Variants in ADGRB3 observed in about 807,000 individuals in gnomAD.
The protein encoded by ADGRB3 is adhesion G protein-coupled receptor B3, also known as brain-specific angiogenesis inhibitor 3.
ADGRB3 carries 37 observed loss-of-function variants against 193.4 expected under a neutral mutation model. That is an observed-to-expected ratio of 0.19 (90% CI 0.15 to 0.25). The LOEUF (loss-of-function observed/expected upper bound fraction) is 0.25. Ranked by LOEUF, ADGRB3 falls within the 10% of genes least tolerant of loss-of-function variation. The pLI is 1.00. For missense variants in ADGRB3, 1,637 were observed against 1,852.9 expected (o/e 0.88, Z 2.14); for synonymous variants, 690 against 644.2 (o/e 1.07, Z -1.08).
intron 18 of ADGRB3, among the ~76,000 whole-genome samples, chr6:69,234,340 C>T (rs1512229): frequency 0.14 from 21,851 of 151,952 alleles, 1,624 homozygotes; most frequent in Middle Eastern, 0.16. Flanking sequence ...TTTTAAAAGA[C>T]AGAAAGCTTA....
At chr6:68,661,594 A>G (rs1582106119) in intron 3 of ADGRB3, among the ~76,000 whole-genome samples, 1 of 141,206 alleles carries the variant, frequency 7.1e-6, no homozygotes, top group South Asian at 2.2e-4. Flanking sequence ...GGCTATTTGG[A>G]TTTAGATTGG....
intron 3 of ADGRB3, among the ~76,000 whole-genome samples, chr6:68,907,520 G>C (rs1309265611): frequency 1.3e-5 from 2 of 151,820 alleles, no homozygotes; most frequent in East Asian, 3.9e-4. Flanking sequence ...CTATGAGTTC[G>C]AGACATTTGT....
At chr6:68,715,103 C>T (rs778399498) in intron 3 of ADGRB3, among the ~76,000 whole-genome samples, 46 of 151,724 alleles carry the variant, frequency 3.0e-4, no homozygotes, top group Middle Eastern at 3.4e-3. Context: ...TCTTTCATGG[C>T]AGAGGGCAGG....
At position 69,324,877 on chromosome 6, in the gene ADGRB3, C is replaced by G; in HGVS notation, c.2820C>G (p.Ile940Met). The G allele has an allele frequency of 6.8e-6, 11 of 1,613,256 alleles. No homozygotes were observed. The highest frequency in any genetic ancestry group is 9.3e-6 in the Non-Finnish European group (11 of 1,179,508). The change falls in exon 21 of 32, where the codon ATC (isoleucine) becomes ATG (methionine). Residue 940 changes from isoleucine to methionine, a missense_variant. Ile to Met is a conservative substitution (Grantham distance 10). This residue lies in a region of ADGRB3 where 87 missense variants were observed against 161.0 expected (regional missense o/e 0.54). Coordinates refer to ENST00000370598, the MANE Select transcript of ADGRB3 (RefSeq NM_001704.3). ...VGQTQTHNKSICTTTTAFLHF... is the reference protein window; with the variant it reads ...VGQTQTHNKSMCTTTTAFLHF... ...TTGTTTGTTTGTTTCCACAGAGTAT[C>G]TGCACAACCACCACTGCATTTTTGC...
intron 13 of ADGRB3, among the ~76,000 whole-genome samples, chr6:69,020,772 A>G (rs1190308592): frequency 6.6e-6 from 1 of 152,028 alleles, no homozygotes; most frequent in Admixed American, 6.6e-5. Flanking sequence ...CTCAAATGCT[A>G]GCTCAGGGAC....
At chr6:69,233,882 A>T (rs755120541) in intron 18 of ADGRB3, among the ~76,000 whole-genome samples, 8 of 152,180 alleles carry the variant, frequency 5.3e-5, no homozygotes, top group African/African-American at 1.4e-4. Flanking sequence ...TAAATAAATA[A>T]ATATATATGT....
chr6:68,981,370 A>G (rs1768905183), intron 10 of ADGRB3, among the ~76,000 whole-genome samples: 1 of 151,670 alleles, frequency 6.6e-6, no homozygotes, highest in South Asian at 2.1e-4. Context: ...GCTCATATTT[A>G]TTGAAGCTGA....
intron 13 of ADGRB3, among the ~76,000 whole-genome samples, chr6:69,043,651 C>G (rs1445107338): frequency 6.6e-6 from 1 of 152,346 alleles, no homozygotes; most frequent in South Asian, 2.1e-4. Context: ...AAGCACCAAA[C>G]ACTGTTCTAG....
At chr6:68,883,846 A>C (rs183680265) in intron 3 of ADGRB3, among the ~76,000 whole-genome samples, 6 of 152,344 alleles carry the variant, frequency 3.9e-5, no homozygotes, top group Admixed American at 3.3e-4. Flanking sequence ...AATTCTGGAC[A>C]CAGAAATACT....
At chr6:68,741,518 C>G (rs2127341514) in intron 3 of ADGRB3, among the ~76,000 whole-genome samples, 1 of 152,222 alleles carries the variant, frequency 6.6e-6, no homozygotes. Flanking sequence ...TCCCGAGTAG[C>G]TGGGACTACA....
intron 3 of ADGRB3, among the ~76,000 whole-genome samples, chr6:68,765,784 T>C (rs545524756): frequency 6.6e-6 from 1 of 152,196 alleles, no homozygotes; most frequent in South Asian, 2.1e-4. Context: ...TCCTATAGTA[T>C]GAAATAGTGT....
intron 20 of ADGRB3, among the ~76,000 whole-genome samples, chr6:69,319,819 A>G (rs1200690398): frequency 6.6e-6 from 1 of 151,466 alleles, no homozygotes; most frequent in Non-Finnish European, 1.5e-5. Flanking sequence ...TTGGGTTTGA[A>G]GTATGTCACA....
chr6:69,219,460 C>T (rs1445447006), intron 17 of ADGRB3, among the ~76,000 whole-genome samples: 12 of 54,886 alleles, frequency 2.2e-4, no homozygotes, highest in South Asian at 9.1e-4. Context: ...TACACACACA[C>T]GTATATATAT....
In ADGRB3 at chr6:69,106,164, T is replaced by TAAAAAAAAAAAAAAA. The variant is rs61114782; in HGVS notation, c.2480+30131_2480+30145dup. The stretch of plus-strand genomic sequence containing the variant: ...ACAGGCTTTTTCTGTGAGACTGCGT[T>TAAAAAAAAAAAAAAA]AAAAAAAAAAAAAAAAAAAGAAAAG... On this transcript the variant is annotated intron_variant, in intron 17 of 31. Coordinates refer to ENST00000370598, the MANE Select transcript of ADGRB3 (RefSeq NM_001704.3). 4.8e-4 allele frequency among the ~76,000 whole-genome samples: 44 copies of TAAAAAAAAAAAAAAA among 90,994 alleles called. 1 individual carries two copies. The highest frequency in any genetic ancestry group is 1.3e-3 in the African/African-American group (31 of 23,804). The allele number at this position is 90,994 out of a possible 152,430, so 59.7% of individuals were successfully genotyped here. A position where few individuals can be genotyped will look rare whatever the true frequency, so the allele number is the denominator to read the frequency against.
At chr6:68,692,164 T>A (rs923543863) in intron 3 of ADGRB3, among the ~76,000 whole-genome samples, 1 of 151,870 alleles carries the variant, frequency 6.6e-6, no homozygotes, top group African/African-American at 2.4e-5. Context: ...TCAAATGTAT[T>A]CCCTAGAAAA....
At chr6:68,911,441 G>A (rs114534311) in intron 3 of ADGRB3, among the ~76,000 whole-genome samples, 2,598 of 151,854 alleles carry the variant, frequency 0.017, 71 homozygotes, top group African/African-American at 0.06. Flanking sequence ...GAAATTTTGA[G>A]GGTAAAGCCA....
chr6:69,310,435 A>G (rs894773586), intron 20 of ADGRB3, among the ~76,000 whole-genome samples: 3 of 151,732 alleles, frequency 2.0e-5, no homozygotes, highest in Non-Finnish European at 2.9e-5. Context: ...CCTGTTTTCA[A>G]TCAACTTTAT....
At chr6:68,694,400 T>C (rs1329679294) in intron 3 of ADGRB3, among the ~76,000 whole-genome samples, 2 of 152,010 alleles carry the variant, frequency 1.3e-5, no homozygotes, top group Non-Finnish European at 2.9e-5. Flanking sequence ...TGAATTTTTT[T>C]ATATCCACCC....
At chr6:69,042,782 T>C (rs1302828839) in intron 13 of ADGRB3, among the ~76,000 whole-genome samples, 2 of 152,192 alleles carry the variant, frequency 1.3e-5, no homozygotes, top group African/African-American at 4.8e-5. Context: ...TGAGACAAGG[T>C]TCCATTTGTA....
Sources: allele counts gnomAD v4.1 joint callset (sites outside exome capture counted in the v4.1 genomes callset), GRCh38; gene constraint gnomAD v4.1.1; regional missense constraint gnomAD v4.1.1; transcripts MANE v1.5; gene names NCBI Gene and HGNC (gene_info 2026-07-23, HGNC 2026-07-21).